ARHGAP26: variants seen among roughly 807,000 people sequenced by gnomAD.
ARHGAP26 encodes Rho GTPase activating protein 26, also known as rho GTPase-activating protein 26.
In ARHGAP26, 38 loss-of-function variants were observed where a neutral mutation model predicts 104.8. The ratio of observed to expected loss-of-function variants is 0.36; its 90% CI spans 0.28 to 0.48. The LOEUF (loss-of-function observed/expected upper bound fraction) is 0.48. Among genes scored for constraint, ARHGAP26 ranks in the 20% least tolerant of loss-of-function variants. The probability of loss-of-function intolerance (pLI) is 0.99; values close to 1 mark genes in which losing one functional copy is unlikely to be tolerated. For missense variants in ARHGAP26, 704 were observed against 947.9 expected, an observed-to-expected ratio of 0.74 and a Z score of 3.38; for synonymous variants, 341 against 340.0, an observed-to-expected ratio of 1.00 and a Z score of -0.03.
chr5:143,139,699 C>A (rs530210395), intron 19 of ARHGAP26, among the ~76,000 whole-genome samples: 3 of 152,282 alleles, frequency 2.0e-5, no homozygotes, highest in East Asian at 3.9e-4. Context: ...CGCTCATTTG[C>A]GATCACCTTC....
intron 1 of ARHGAP26, among the ~76,000 whole-genome samples, chr5:142,849,956 T>C (rs1294024244): frequency 6.6e-6 from 1 of 152,176 alleles, no homozygotes; most frequent in Non-Finnish European, 1.5e-5. Flanking sequence ...CACACTCTTC[T>C]CACCACGCCA....
At position 143,178,956 on chromosome 5, in the gene ARHGAP26, G is replaced by A. The variant is rs545447471; in HGVS notation, c.1989-28242G>A. Among the ~76,000 whole-genome samples, 133 of 151,624 alleles carry A rather than the reference G, an allele frequency of 8.8e-4. No homozygotes were observed. In the South Asian group the frequency reaches 0.013, roughly 15 times the overall value. On this transcript the variant is annotated intron_variant, in intron 20 of 22. Transcript: ENST00000645722. ...GCAATCTGGGCTCACTGCAACTTCC[G>A]CCTCCCGGGTTCAAGCGATTCTCCT...
At chr5:142,806,051 T>C (rs1762929304) in intron 1 of ARHGAP26, among the ~76,000 whole-genome samples, 1 of 152,232 alleles carries the variant, frequency 6.6e-6, no homozygotes, top group Non-Finnish European at 1.5e-5. Context: ...GTGTGTCTTA[T>C]TCTTGGAGTG....
intron 13 of ARHGAP26, among the ~76,000 whole-genome samples, chr5:143,039,917 A>G (rs902770552): frequency 2.1e-4 from 32 of 152,244 alleles, no homozygotes; most frequent in African/African-American, 7.7e-4. Flanking sequence ...TTGAGCACAA[A>G]GAAGAAATAA....
chr5:142,940,900 C>T (rs1766193380), intron 11 of ARHGAP26, among the ~76,000 whole-genome samples: 1 of 151,650 alleles, frequency 6.6e-6, no homozygotes, highest in Non-Finnish European at 1.5e-5. Flanking sequence ...CACGGTGAAA[C>T]CTGGTCTCTG....
intron 19 of ARHGAP26, among the ~76,000 whole-genome samples, chr5:143,143,533 G>T (rs1413584763): frequency 2.6e-5 from 4 of 152,070 alleles, no homozygotes; most frequent in Non-Finnish European, 5.9e-5. Flanking sequence ...CAAAAACTCT[G>T]CCCACTGTCA....
At position 142,974,790 on chromosome 5, in the gene ARHGAP26, C is replaced by T. The variant is rs943079194; in HGVS notation, c.1108-39290C>T. ...TTTGGAAAGATTTTTTCCTCCTCAA[C>T]TATTTAGCATTGTGAATAGTTTCCC... is the stretch of plus-strand genomic sequence containing the variant. On this transcript the variant is annotated intron_variant, in intron 11 of 22. Coordinates refer to ENST00000645722, the MANE Select transcript of ARHGAP26 (RefSeq NM_001135608.3). Among the ~76,000 whole-genome samples, 3 of 152,214 alleles carry T rather than the reference C, an allele frequency of 2.0e-5. No homozygotes were observed. The East Asian group carries it at 5.8e-4, about 29-fold the overall frequency.
chr5:143,183,073 C>CAAAAAAAAAAAAAAAA (rs70991799), intron 20 of ARHGAP26, among the ~76,000 whole-genome samples: 1 of 89,962 alleles, frequency 1.1e-5, no homozygotes, highest in Non-Finnish European at 2.4e-5. Context: ...TGAAAAGTGG[C>CAAAAAAAAAAAAAAAA]AAAAAAAAAA....
chr5:143,144,374 G>A (rs1798912042), intron 19 of ARHGAP26, among the ~76,000 whole-genome samples: 1 of 152,104 alleles, frequency 6.6e-6, no homozygotes, highest in Non-Finnish European at 1.5e-5. Context: ...CCTGTTTCGA[G>A]TGACATTACG....
chr5:142,928,231 GTT>G (rs369377056), intron 10 of ARHGAP26, among the ~76,000 whole-genome samples: 19 of 130,074 alleles, frequency 1.5e-4, no homozygotes, highest in Admixed American at 2.9e-4. Flanking sequence ...GTGTGTGTGT[GTT>G]TTTTTTTTTT....
chr5:142,809,404 T>C (rs1481141798), intron 1 of ARHGAP26, among the ~76,000 whole-genome samples: 1 of 152,194 alleles, frequency 6.6e-6, no homozygotes, highest in African/African-American at 2.4e-5. Flanking sequence ...GCTGGTGCAA[T>C]TCTGCATTCC....
At chr5:143,124,604 A>G (rs930785262) in intron 18 of ARHGAP26, among the ~76,000 whole-genome samples, 1 of 152,328 alleles carries the variant, frequency 6.6e-6, no homozygotes, top group East Asian at 1.9e-4. Context: ...GTGCTGTCCC[A>G]TCATTCAGGA....
At chr5:142,946,547 C>A (rs1767136010) in intron 11 of ARHGAP26, 1 of 152,084 alleles carries the variant, frequency 6.6e-6, no homozygotes, top group African/African-American at 2.4e-5. Context: ...CTGTCAATTT[C>A]TGCAGCTTTT....
intron 13 of ARHGAP26, among the ~76,000 whole-genome samples, chr5:143,038,932 G>A (rs2150132407): frequency 6.6e-6 from 1 of 152,068 alleles, no homozygotes; most frequent in South Asian, 2.1e-4. Flanking sequence ...CTGATCTTGT[G>A]ATCCACCCAC....
At chr5:143,036,630 TG>T (rs113036086) in intron 12 of ARHGAP26, among the ~76,000 whole-genome samples, 57 of 152,340 alleles carry the variant, frequency 3.7e-4, no homozygotes, top group African/African-American at 1.2e-3. Flanking sequence ...TTTGATGGTA[TG>T]GGCTCTAGAG....
intron 20 of ARHGAP26, among the ~76,000 whole-genome samples, chr5:143,159,705 A>G (rs1016016473): frequency 2.0e-5 from 3 of 152,218 alleles, no homozygotes; most frequent in African/African-American, 7.2e-5. Flanking sequence ...TTTGAAAACC[A>G]TCAGTGTACA....
chr5:142,991,206 C>T (rs1775562758), intron 11 of ARHGAP26, among the ~76,000 whole-genome samples: 1 of 152,270 alleles, frequency 6.6e-6, no homozygotes, highest in Non-Finnish European at 1.5e-5. Flanking sequence ...GCAGTTCGAT[C>T]TCAGACTGCT....
At chr5:143,041,643 A>AAT in intron 13 of ARHGAP26, 173 bp from the exon 14 acceptor site, 7 of 601,632 alleles carry the variant, frequency 1.2e-5, no homozygotes, top group Non-Finnish European at 2.1e-5. Context: ...AGCTGTACCA[A>AAT]ATCCCACTCG....
chr5:142,791,797 C>T (rs1426941634), intron 1 of ARHGAP26, among the ~76,000 whole-genome samples: 1 of 151,936 alleles, frequency 6.6e-6, no homozygotes, highest in African/African-American at 2.4e-5. Context: ...AACCCCGTCT[C>T]TACTAAAAAC....
Sources: gnomAD v4.1 joint callset for allele counts (sites outside exome capture counted in the v4.1 genomes callset) on GRCh38, gnomAD v4.1.1 for gene constraint, MANE v1.5 for transcripts, NCBI Gene and HGNC (gene_info 2026-07-23, HGNC 2026-07-21) for gene names.